DCDC2C: variants seen among roughly 807,000 people sequenced by gnomAD.
DCDC2C encodes doublecortin domain-containing protein 2C.
DCDC2C carries 44 observed loss-of-function variants against 45.0 expected under a neutral mutation model. The ratio of observed to expected loss-of-function variants is 0.98; its 90% CI spans 0.77 to 1.26. DCDC2C has a LOEUF of 1.26. Ranked by LOEUF, DCDC2C falls within the 50% of genes most tolerant of loss-of-function variation. The pLI, the probability that DCDC2C is intolerant of heterozygous loss-of-function variation, is 0.00. For synonymous variants in DCDC2C, 187 were observed against 178.8 expected (o/e 1.05, Z -0.37); for missense variants, 447 against 468.9 (o/e 0.95, Z 0.43).
chr2:3,715,104 A>C (rs1026299647), intron 2 of DCDC2C, among the ~76,000 whole-genome samples: 2 of 152,228 alleles, frequency 1.3e-5, no homozygotes, highest in Non-Finnish European at 2.9e-5. Flanking sequence ...GTATTTATTT[A>C]AACAAAATGG....
chr2:3,780,775 A>G (rs35264429), intron 9 of DCDC2C, among the ~76,000 whole-genome samples: 1 of 152,180 alleles, frequency 6.6e-6, no homozygotes, highest in Non-Finnish European at 1.5e-5. Flanking sequence ...AAGATTAAAA[A>G]CAATGAGATG....
chr2:3,709,463 G>C (rs962767163), intron 2 of DCDC2C, among the ~76,000 whole-genome samples: 1 of 152,248 alleles, frequency 6.6e-6, no homozygotes, highest in African/African-American at 2.4e-5. Context: ...CCCCAGCATT[G>C]TTCACAGGCA....
chr2:3,840,610 A>G (rs1279993136), intron 10 of DCDC2C, among the ~76,000 whole-genome samples: 6 of 152,220 alleles, frequency 3.9e-5, no homozygotes, highest in African/African-American at 2.4e-5. Context: ...TCTTTTATCC[A>G]TACATCTTAC....
chr2:3,810,001 C>A (rs1671351588), intron 10 of DCDC2C, among the ~76,000 whole-genome samples: 1 of 152,150 alleles, frequency 6.6e-6, no homozygotes, highest in Non-Finnish European at 1.5e-5. Context: ...CATTGATGGG[C>A]ATTTGGGTTT....
intron 10 of DCDC2C, among the ~76,000 whole-genome samples, chr2:3,822,630 CTAATCTT>C (rs1290325163): frequency 6.6e-6 from 1 of 151,614 alleles, no homozygotes; most frequent in African/African-American, 2.4e-5. Flanking sequence ...TTTTTCCACT[CTAATCTT>C]TATTATTTTT....
intron 10 of DCDC2C, among the ~76,000 whole-genome samples, chr2:3,803,391 G>C (rs1160246524): frequency 2.6e-5 from 4 of 152,158 alleles, no homozygotes; most frequent in African/African-American, 4.8e-5. Flanking sequence ...CCCAAGCACA[G>C]ACCTTGCGTC....
At position 3,847,229 on chromosome 2, in the gene DCDC2C, T is replaced by C. The variant is rs1257049324; in HGVS notation, c.*46T>C. ...CCTGAAGTCCACTTTTCTTCAACCA[T>C]GGGGCTTCCACGTCACATATGGACA... is the stretch of plus-strand genomic sequence containing the variant. On this transcript the variant is annotated 3_prime_UTR_variant, in exon 11 of 11. Coordinates refer to ENST00000399143, the MANE Select transcript of DCDC2C (RefSeq NM_001287444.2). 9 of 1,201,072 alleles carry C rather than the reference T, an allele frequency of 7.5e-6. No homozygotes were observed. The highest frequency in any genetic ancestry group is 9.4e-6 in the Non-Finnish European group (9 of 960,082). 74.4% of individuals were successfully genotyped at this position (1,201,072 alleles called of 1,614,324 possible).
At position 3,832,514 on chromosome 2, in the gene DCDC2C, C is replaced by T. The variant is rs1175620599; in HGVS notation, c.1066-14640C>T. ...TTGATAACATAGAACTAAAGCCGCT[C>T]GAGGCCATACACAGTGAAGCTGGCT... On this transcript the variant is annotated intron_variant, in intron 10 of 10. Coordinates refer to ENST00000399143, the MANE Select transcript of DCDC2C (RefSeq NM_001287444.2). Among the ~76,000 whole-genome samples the T allele has an allele frequency of 4.6e-5, 7 of 152,160 alleles. No homozygotes were observed. In the East Asian group the frequency reaches 5.8e-4, roughly 13 times the overall value.
chr2:3,741,770 G>A, intron 3 of DCDC2C, 150 bp from the exon 4 acceptor site: 3 of 800,824 alleles, frequency 3.7e-6, no homozygotes, highest in Non-Finnish European at 5.5e-6. Flanking sequence ...AGCTTGATAA[G>A]GTCCCCAATA....
chr2:3,815,564 T>C (rs767977135), intron 10 of DCDC2C, among the ~76,000 whole-genome samples: 1 of 152,240 alleles, frequency 6.6e-6, no homozygotes, highest in Non-Finnish European at 1.5e-5. Flanking sequence ...CACGTATCCA[T>C]GTGAAGAGAC....
chr2:3,745,719 C>A (rs541461335), intron 4 of DCDC2C, among the ~76,000 whole-genome samples: 1 of 151,904 alleles, frequency 6.6e-6, no homozygotes, highest in African/African-American at 2.4e-5. Context: ...GGGTTAGAAA[C>A]GAAGACAGTT....
At chr2:3,833,398 T>C (rs1671999171) in intron 10 of DCDC2C, among the ~76,000 whole-genome samples, 1 of 152,226 alleles carries the variant, frequency 6.6e-6, no homozygotes, top group Admixed American at 6.5e-5. Context: ...CTTCTGTATC[T>C]TGTAGTCACA....
chr2:3,786,818 A>C (rs1670667778), intron 10 of DCDC2C, among the ~76,000 whole-genome samples: 1 of 152,276 alleles, frequency 6.6e-6, no homozygotes, highest in African/African-American at 2.4e-5. Context: ...TTTGTTAAGT[A>C]ACTCGATTGA....
At chr2:3,828,197 T>C (rs13405207) in intron 10 of DCDC2C, among the ~76,000 whole-genome samples, 18,865 of 152,292 alleles carry the variant, frequency 0.12, 1,326 homozygotes, top group Non-Finnish European at 0.17. Flanking sequence ...ATTTTCACGG[T>C]AACAACCTTG....
At chr2:3,707,410 C>A (rs1244975596) in intron 1 of DCDC2C, among the ~76,000 whole-genome samples, 6 of 152,024 alleles carry the variant, frequency 3.9e-5, no homozygotes, top group African/African-American at 9.7e-5. Context: ...ATTTGGAAAA[C>A]AGGAAGACTA....
intron 10 of DCDC2C, among the ~76,000 whole-genome samples, chr2:3,830,577 C>T (rs1274462758): frequency 6.6e-6 from 1 of 152,160 alleles, no homozygotes; most frequent in Non-Finnish European, 1.5e-5. Context: ...CAGGTTCAGC[C>T]CTTCCTCTTG....
intron 8 of DCDC2C, among the ~76,000 whole-genome samples, chr2:3,770,187 T>A (rs537766688): frequency 6.6e-6 from 1 of 152,260 alleles, no homozygotes; most frequent in Non-Finnish European, 1.5e-5. Flanking sequence ...GAGCAAAGAA[T>A]GTATATTCTC....
chr2:3,790,525 A>G (rs911201011), intron 10 of DCDC2C, among the ~76,000 whole-genome samples: 1 of 152,232 alleles, frequency 6.6e-6, no homozygotes, highest in African/African-American at 2.4e-5. Flanking sequence ...AGAAATGCCA[A>G]TAAAACCAGG....
At chr2:3,804,073 T>C (rs1432290390) in intron 10 of DCDC2C, among the ~76,000 whole-genome samples, 1 of 152,230 alleles carries the variant, frequency 6.6e-6, no homozygotes, top group African/African-American at 2.4e-5. Context: ...GTGTTTACAA[T>C]TTATTCATTA....
Sources: gnomAD v4.1 joint callset for allele counts (sites outside exome capture counted in the v4.1 genomes callset) on GRCh38, gnomAD v4.1.1 for gene constraint, MANE v1.5 for transcripts, NCBI Gene and HGNC (gene_info 2026-07-23, HGNC 2026-07-21) for gene names.